Variants in EYS observed in about 807,000 individuals in gnomAD.
EYS encodes the protein EGF-like photoreceptor maintenance factor.
In EYS, 250 loss-of-function variants were observed where a neutral mutation model predicts 282.1. That is an observed-to-expected ratio of 0.89 (90% CI 0.80 to 0.98). The LOEUF (loss-of-function observed/expected upper bound fraction) is 0.98, where lower values mean the gene tolerates loss of function less well. EYS is among the 50% of genes least tolerant of loss of function. The probability of loss-of-function intolerance (pLI) is 0.00; values close to 1 mark genes in which losing one functional copy is unlikely to be tolerated. For synonymous variants in EYS, 1,355 were observed against 1,282.9 expected, an observed-to-expected ratio of 1.06 and a Z score of -1.20; for missense variants, 4,016 against 3,709.0, an observed-to-expected ratio of 1.08 and a Z score of -2.15.
At chr6:64,650,538 C>T (rs140030667) in intron 22 of EYS, among the ~76,000 whole-genome samples, 1 of 152,032 alleles carries the variant, frequency 6.6e-6, no homozygotes, top group African/African-American at 2.4e-5. Context: ...CTTTATACAG[C>T]AGTATGCTTA....
intron 22 of EYS, among the ~76,000 whole-genome samples, chr6:64,812,281 A>G (rs1022544609): frequency 3.3e-5 from 5 of 151,882 alleles, no homozygotes; most frequent in Non-Finnish European, 7.4e-5. Flanking sequence ...GTACACACAC[A>G]TGTCTGATGC....
chr6:63,954,681 C>T (rs1765738769), intron 35 of EYS, among the ~76,000 whole-genome samples: 1 of 152,074 alleles, frequency 6.6e-6, no homozygotes. Flanking sequence ...TTCCTCACGG[C>T]AGTTGTTCTT....
chr6:65,000,284 T>C (rs1002506829), intron 13 of EYS, among the ~76,000 whole-genome samples: 1 of 152,202 alleles, frequency 6.6e-6, no homozygotes, highest in African/African-American at 2.4e-5. Flanking sequence ...ACTGCATTGG[T>C]ATTAGTCTGT....
At chr6:65,421,637 T>C (rs1767457444) in intron 5 of EYS, among the ~76,000 whole-genome samples, 1 of 151,940 alleles carries the variant, frequency 6.6e-6, no homozygotes, top group South Asian at 2.1e-4. Flanking sequence ...TCCACATGAT[T>C]TCCTCATTAA....
At chr6:65,388,375 T>G (rs1765879121) in intron 7 of EYS, among the ~76,000 whole-genome samples, 2 of 151,730 alleles carry the variant, frequency 1.3e-5, no homozygotes, top group South Asian at 4.1e-4. Context: ...TAGGGAGAGG[T>G]GCTATATAAT....
intron 22 of EYS, among the ~76,000 whole-genome samples, chr6:64,809,924 T>C (rs1341538585): frequency 6.6e-6 from 1 of 152,020 alleles, no homozygotes; most frequent in Non-Finnish European, 1.5e-5. Context: ...ATCAAGTAAT[T>C]TACCCCTATA....
chr6:65,325,440 G>T (rs2150307984), intron 11 of EYS, among the ~76,000 whole-genome samples: 1 of 152,266 alleles, frequency 6.6e-6, no homozygotes, highest in Middle Eastern at 3.4e-3. Flanking sequence ...GGAGTTGAGA[G>T]AAATGAGGCA....
chr6:64,984,951 C>T (rs1770804492), intron 14 of EYS, among the ~76,000 whole-genome samples: 1 of 151,464 alleles, frequency 6.6e-6, no homozygotes, highest in Non-Finnish European at 1.5e-5. Flanking sequence ...TTTTAACATT[C>T]AGACAATCTA....
chr6:63,941,268 C>T (rs1049049039), intron 35 of EYS, among the ~76,000 whole-genome samples: 6 of 152,166 alleles, frequency 3.9e-5, no homozygotes, highest in Non-Finnish European at 8.8e-5. Flanking sequence ...CACTGACTTC[C>T]ACAATGGTTG....
chr6:65,324,809 C>T (rs1295262279), intron 11 of EYS, among the ~76,000 whole-genome samples: 3 of 152,186 alleles, frequency 2.0e-5, no homozygotes, highest in African/African-American at 7.2e-5. Flanking sequence ...AATGATCCTT[C>T]CTTTGGTCAT....
rs548492490 is a variant in EYS, at chr6:64,436,216, G to A, written c.5885C>T (p.Thr1962Ile). 2 of 1,544,722 alleles carry A rather than the reference G, an allele frequency of 1.3e-6. No homozygotes were observed. Among genetic ancestry groups the A allele is most frequent in the African/African-American group, 2.7e-5 (2 of 72,932 alleles). Reference sequence around the variant, plus strand: ...CTTTTGCCCGTTGTCCACTCTAACAGTAGTATTAATGCTTTTAAATTTTGC... The same window carrying A: ...CTTTTGCCCGTTGTCCACTCTAACAATAGTATTAATGCTTTTAAATTTTGC... ...GEAKFKSINTTVRVDNGQKYT... is the reference protein window; with the variant it reads ...GEAKFKSINTIVRVDNGQKYT... The change falls in exon 28 of 43, where the codon ACT becomes ATT. Residue 1962 changes from threonine (T) to isoleucine (I), a missense_variant. Coordinates refer to ENST00000503581, the MANE Select transcript of EYS (RefSeq NM_001142800.2).
At chr6:63,736,422 C>G (rs1009348449) in intron 41 of EYS, among the ~76,000 whole-genome samples, 6 of 151,980 alleles carry the variant, frequency 3.9e-5, no homozygotes, top group Middle Eastern at 3.4e-3. Flanking sequence ...TTTCTGAGGG[C>G]TCTGTTCTGT....
chr6:65,329,794 A>G (rs1769730121), intron 11 of EYS: 2 of 982,522 alleles, frequency 2.0e-6, no homozygotes, highest in Non-Finnish European at 1.2e-6. Flanking sequence ...AAATTATACT[A>G]TACTTTTGTG....
intron 31 of EYS, among the ~76,000 whole-genome samples, chr6:64,196,453 A>G (rs1008777823): frequency 1.3e-5 from 2 of 152,204 alleles, no homozygotes; most frequent in African/African-American, 4.8e-5. Flanking sequence ...ACGTATGTTT[A>G]TTGTGGCACT....
At chr6:64,002,700 T>A (rs527613688) in intron 33 of EYS, among the ~76,000 whole-genome samples, 1 of 152,096 alleles carries the variant, frequency 6.6e-6, no homozygotes, top group Non-Finnish European at 1.5e-5. Context: ...GGAATGAAGA[T>A]GATTTTGTGT....
chr6:65,268,872 C>T (rs1281713039), intron 12 of EYS, among the ~76,000 whole-genome samples: 4 of 151,684 alleles, frequency 2.6e-5, no homozygotes, highest in African/African-American at 4.8e-5. Flanking sequence ...TAATATCCTA[C>T]TAATGGTTAG....
At chr6:65,141,765 C>T (rs1581949069) in intron 12 of EYS, among the ~76,000 whole-genome samples, 4 of 151,476 alleles carry the variant, frequency 2.6e-5, no homozygotes, top group Admixed American at 1.3e-4. Context: ...ATCAGAAGTT[C>T]GGGGGCAAGA....
intron 24 of EYS, among the ~76,000 whole-genome samples, chr6:64,599,996 A>C (rs1766711980): frequency 1.3e-5 from 2 of 152,186 alleles, no homozygotes; most frequent in Admixed American, 6.5e-5. Flanking sequence ...TGACTTTACA[A>C]TCCAGTGGAC....
intron 41 of EYS, among the ~76,000 whole-genome samples, chr6:63,727,890 C>T (rs1327493895): frequency 6.8e-6 from 1 of 147,564 alleles, no homozygotes; most frequent in African/African-American, 2.5e-5. Flanking sequence ...GGCACCACTG[C>T]ACTCCAGCTT....
Sources: gnomAD v4.1 joint callset for allele counts (sites outside exome capture counted in the v4.1 genomes callset) on GRCh38, gnomAD v4.1.1 for gene constraint, MANE v1.5 for transcripts, NCBI Gene and HGNC (gene_info 2026-07-23, HGNC 2026-07-21) for gene names.